Variants in ZNF516 observed in about 807,000 individuals in gnomAD.
ZNF516 encodes zinc finger protein 516.
A neutral mutation model predicts 79.7 loss-of-function variants in ZNF516; 19 were observed. That is an observed-to-expected ratio of 0.24 (90% CI 0.17 to 0.35). The LOEUF (loss-of-function observed/expected upper bound fraction) is 0.35. Ranked by LOEUF, ZNF516 falls within the 10% of genes least tolerant of loss-of-function variation. The pLI is 1.00. For synonymous variants in ZNF516, 877 were observed against 739.5 expected, an observed-to-expected ratio of 1.19 and a Z score of -3.02; for missense variants, 1,678 against 1,679.5, an observed-to-expected ratio of 1.00 and a Z score of 0.02.
At chr18:76,402,187 A>T (rs1410548729) in intron 3 of ZNF516, among the ~76,000 whole-genome samples, 1 of 152,154 alleles carries the variant, frequency 6.6e-6, no homozygotes, top group Non-Finnish European at 1.5e-5. Context: ...TTACTCTGTG[A>T]ATACAAATCC....
At chr18:76,388,008 AAAGAG>A (rs2145113272) in intron 3 of ZNF516, 1 of 152,492 alleles carries the variant, frequency 6.6e-6, no homozygotes, top group East Asian at 1.9e-4. Context: ...GCAGAGAAGA[AAAGAG>A]AAGGAGCATC....
At chr18:76,407,437 G>T (rs2075317714) in intron 3 of ZNF516, among the ~76,000 whole-genome samples, 1 of 152,090 alleles carries the variant, frequency 6.6e-6, no homozygotes, top group Non-Finnish European at 1.5e-5. Context: ...AAGAAGAGGG[G>T]GGGAGTGGAG....
intron 3 of ZNF516, among the ~76,000 whole-genome samples, chr18:76,402,013 G>C (rs1250214390): frequency 6.6e-6 from 1 of 151,486 alleles, no homozygotes; most frequent in African/African-American, 2.4e-5. Context: ...GTACACGTTT[G>C]TGTGTACACG....
In ZNF516 at chr18:76,379,693, C is replaced by A. The variant is rs1449844584; in HGVS notation, c.2421G>T (p.Leu807Phe). The A allele has an allele frequency of 1.9e-6, 3 of 1,613,626 alleles. No homozygotes were observed. Among genetic ancestry groups the A allele is most frequent in the Admixed American group, 1.7e-5 (1 of 60,006 alleles). ...TGCGTCCGCTCCGGGAAAGGAAAACCAAATTGCTTCTGATGCTTTTGTAAC... is the reference window on the plus strand; with the variant it reads ...TGCGTCCGCTCCGGGAAAGGAAAACAAAATTGCTTCTGATGCTTTTGTAAC... Reference protein sequence around the residue: ...PNGYKSIRSNLVFLSRSGRTG... With the variant: ...PNGYKSIRSNFVFLSRSGRTG... Residue 807 changes from leucine (L) to phenylalanine (F), a missense_variant, in exon 4 of 7, where the codon TTG becomes TTT. Physicochemically the swap from Leu to Phe is conservative, Grantham distance 22 (BLOSUM62 0). Coordinates refer to ENST00000443185, the MANE Select transcript of ZNF516 (RefSeq NM_014643.4).
intron 6 of ZNF516, among the ~76,000 whole-genome samples, chr18:76,368,194 G>A (rs951453697): frequency 2.6e-5 from 4 of 152,064 alleles, no homozygotes; most frequent in African/African-American, 9.7e-5. Context: ...GAGAATTATA[G>A]GATAAGAACA....
At chr18:76,458,876 G>A (rs1039550963) in intron 2 of ZNF516, among the ~76,000 whole-genome samples, 37 of 149,740 alleles carry the variant, frequency 2.5e-4, no homozygotes, top group African/African-American at 5.9e-4. Context: ...AGGCCTCACC[G>A]TCGTGTGTGT....
chr18:76,372,150 G>A (rs1017267577), intron 4 of ZNF516, among the ~76,000 whole-genome samples: 5 of 152,228 alleles, frequency 3.3e-5, no homozygotes, highest in East Asian at 3.9e-4. Context: ...CCCAAGGTGC[G>A]TGCACCTGCT....
At chr18:76,492,074 G>C (rs1222931684) in intron 1 of ZNF516, 1 of 812,316 alleles carries the variant, frequency 1.2e-6, no homozygotes, top group Non-Finnish European at 1.5e-6. Context: ...GCGCATGGAC[G>C]AGGTCCCTCC....
intron 3 of ZNF516, among the ~76,000 whole-genome samples, chr18:76,385,119 G>A (rs1331698622): frequency 6.6e-6 from 1 of 152,244 alleles, no homozygotes; most frequent in Non-Finnish European, 1.5e-5. Flanking sequence ...CCCCACGAGT[G>A]TGCACACGCG....
At chr18:76,363,277 TA>T (rs1437991740) in intron 6 of ZNF516, among the ~76,000 whole-genome samples, 1 of 152,184 alleles carries the variant, frequency 6.6e-6, no homozygotes, top group African/African-American at 2.4e-5. Flanking sequence ...AACCTTCAGC[TA>T]AAATCTTGAT....
At chr18:76,421,840 A>C (rs1472634353) in intron 3 of ZNF516, among the ~76,000 whole-genome samples, 1 of 152,214 alleles carries the variant, frequency 6.6e-6, no homozygotes, top group Non-Finnish European at 1.5e-5. Flanking sequence ...GTTTCTGAAA[A>C]AGTTTCCACA....
chr18:76,368,025 T>G (rs1445716647), intron 6 of ZNF516, among the ~76,000 whole-genome samples: 1 of 152,132 alleles, frequency 6.6e-6, no homozygotes, highest in Non-Finnish European at 1.5e-5. Flanking sequence ...AAGAATCCGA[T>G]TTAAATATTA....
chr18:76,407,233 C>A (rs1452849312), intron 3 of ZNF516, among the ~76,000 whole-genome samples: 8 of 152,146 alleles, frequency 5.3e-5, no homozygotes, highest in African/African-American at 1.9e-4. Flanking sequence ...AGTTCGAGAA[C>A]AACCTGGGCA....
At chr18:76,363,991 C>G (rs1180157150) in intron 6 of ZNF516, among the ~76,000 whole-genome samples, 1 of 152,212 alleles carries the variant, frequency 6.6e-6, no homozygotes, top group African/African-American at 2.4e-5. Flanking sequence ...CTGGGTAGCT[C>G]TTCTTTTGGA....
At chr18:76,489,586 CAAAAA>C (rs5826461) in intron 1 of ZNF516, among the ~76,000 whole-genome samples, 1,607 of 109,406 alleles carry the variant, frequency 0.015, 22 homozygotes, top group African/African-American at 0.049. Flanking sequence ...CAACATCTTA[CAAAAA>C]AAAAAAAAAA....
In ZNF516 at chr18:76,441,934, T is replaced by A; in HGVS notation, c.1121A>T (p.Glu374Val). 1 of 1,608,936 alleles carries A rather than the reference T, an allele frequency of 6.2e-7. No homozygotes were observed. The highest frequency in any genetic ancestry group is 8.5e-7 in the Non-Finnish European group (1 of 1,178,836). ...GAACTGCTTGGTGTCCGAGGGCCCCTCCGCCCCCTCCTCGGCCGGGGCGCG... is the reference window on the plus strand; with the variant it reads ...GAACTGCTTGGTGTCCGAGGGCCCCACCGCCCCCTCCTCGGCCGGGGCGCG... The part of the protein sequence containing the change: ...RTRAPAEEGA[E>V]GPSDTKQFFL... Residue 374 changes from glutamate (E) to valine (V), a missense_variant, in exon 3 of 7, where the codon GAG becomes GTG. Coordinates refer to ENST00000443185, the MANE Select transcript of ZNF516 (RefSeq NM_014643.4).
intron 3 of ZNF516, 32 bp downstream of exon 3, chr18:76,441,213 A>G: frequency 6.3e-7 from 1 of 1,592,430 alleles, no homozygotes. Flanking sequence ...CTGGGATCCC[A>G]GGACCCAGGC....
At chr18:76,366,067 G>A (rs758793478) in intron 6 of ZNF516, among the ~76,000 whole-genome samples, 78 of 152,192 alleles carry the variant, frequency 5.1e-4, no homozygotes, top group Non-Finnish European at 7.8e-4. Context: ...TAAACAGTGC[G>A]TGTGCTGAAA....
intron 1 of ZNF516, among the ~76,000 whole-genome samples, chr18:76,464,527 G>A (rs1279729868): frequency 6.6e-6 from 1 of 152,260 alleles, no homozygotes; most frequent in Admixed American, 6.5e-5. Context: ...AAGGCAGGGT[G>A]ATGCGCAGTG....
Sources: allele counts gnomAD v4.1 joint callset (sites outside exome capture counted in the v4.1 genomes callset), GRCh38; gene constraint gnomAD v4.1.1; transcripts MANE v1.5; gene names NCBI Gene and HGNC (gene_info 2026-07-23, HGNC 2026-07-21).